Variants in ATM observed in about 807,000 individuals in gnomAD.
ATM encodes ATM serine/threonine kinase.
In ATM, 308 loss-of-function variants were observed where a neutral mutation model predicts 387.0. That is an observed-to-expected ratio of 0.80 (90% CI 0.73 to 0.87). ATM has a LOEUF of 0.87. ATM is among the 40% of genes least tolerant of loss of function. The pLI is 0.00. For missense variants in ATM, 3,312 were observed against 3,560.9 expected, an observed-to-expected ratio of 0.93 and a Z score of 1.78; for synonymous variants, 1,156 against 1,187.3, an observed-to-expected ratio of 0.97 and a Z score of 0.54.
At chr11:108,281,967 T>G (rs2082257414) in intron 24 of ATM, among the ~76,000 whole-genome samples, 1 of 152,074 alleles carries the variant, frequency 6.6e-6, no homozygotes, top group Non-Finnish European at 1.5e-5. Context: ...TACTTTATAT[T>G]TATTTATTTA....
chr11:108,343,854 CCTT>C (rs1262639031), intron 57 of ATM, among the ~76,000 whole-genome samples: 3 of 152,268 alleles, frequency 2.0e-5, no homozygotes, highest in African/African-American at 2.4e-5. Context: ...ATATAGAAAA[CCTT>C]CTGAGACATT....
chr11:108,244,700 T>G, intron 6 of ATM, 88 bp from the exon 7 acceptor site: 1 of 1,036,490 alleles, frequency 9.6e-7, no homozygotes, highest in Non-Finnish European at 1.5e-6. Flanking sequence ...TTGTTTTTTT[T>G]TCTTTCAGCA....
intron 37 of ATM, 116 bp downstream of exon 37, chr11:108,304,968 T>C (rs145131778): frequency 7.2e-5 from 91 of 1,260,692 alleles, no homozygotes; most frequent in Middle Eastern, 2.0e-4. Context: ...CCTCTAAATT[T>C]GTTTCTTCAT....
At chr11:108,337,663 A>G (rs2087000425) in intron 56 of ATM, among the ~76,000 whole-genome samples, 1 of 152,090 alleles carries the variant, frequency 6.6e-6, no homozygotes, top group African/African-American at 2.4e-5. Flanking sequence ...TTCATTTTAG[A>G]ACAAAGTTGA....
chr11:108,293,667 C>T (rs1278785203), intron 31 of ATM, among the ~76,000 whole-genome samples, 190 bp downstream of exon 31: 3 of 151,760 alleles, frequency 2.0e-5, no homozygotes, highest in African/African-American at 7.3e-5. Flanking sequence ...AGGAGGATTG[C>T]CTGAGCCCAG....
chr11:108,306,287 C>G (rs1035363725), intron 37 of ATM, among the ~76,000 whole-genome samples: 6 of 151,864 alleles, frequency 4.0e-5, no homozygotes, highest in African/African-American at 1.5e-4. Flanking sequence ...CTAGAATGTG[C>G]TTATATGAAT....
At position 108,347,346 on chromosome 11, in the gene ATM, A is replaced by C; in HGVS notation, c.8652A>C (p.Glu2884Asp). 1 of 1,606,108 alleles carries C rather than the reference A, an allele frequency of 6.2e-7. No homozygotes were observed. The highest frequency in any genetic ancestry group is 8.5e-7 in the Non-Finnish European group (1 of 1,172,968). ...TCTTGATAAATGAGCAGTCAGCAGAACTTGTACATATAGATCTAGGTAAGT... is the reference window on the plus strand; with the variant it reads ...TCTTGATAAATGAGCAGTCAGCAGACCTTGTACATATAGATCTAGGTAAGT... ...QNILINEQSA[E>D]LVHIDLGVAF... is the part of the protein sequence containing the mutation. The change falls in exon 59 of 63, where the codon GAA becomes GAC. Residue 2884 changes from glutamate to aspartate, a missense_variant. By Grantham distance (45) the Glu-to-Asp change is conservative (BLOSUM62 2). Around this residue, in one of 4 missense-constraint regions of ATM, gnomAD observed 1,405 missense variants for 1,604.4 expected, o/e 0.88. Transcript: ENST00000675843.
At chr11:108,275,766 C>G (rs1256254213) in intron 22 of ATM, among the ~76,000 whole-genome samples, 1 of 152,262 alleles carries the variant, frequency 6.6e-6, no homozygotes, top group East Asian at 1.9e-4. Context: ...TTGTGGGTAA[C>G]CCGACCTTTC....
At chr11:108,317,889 G>A (rs1347072753) in intron 43 of ATM, among the ~76,000 whole-genome samples, 1 of 151,560 alleles carries the variant, frequency 6.6e-6, no homozygotes, top group Non-Finnish European at 1.5e-5. Context: ...TATGAAAAGG[G>A]TTTTCGAAAT....
At chr11:108,288,182 T>G (rs1055737269) in intron 27 of ATM, among the ~76,000 whole-genome samples, 4 of 152,018 alleles carry the variant, frequency 2.6e-5, no homozygotes, top group Non-Finnish European at 5.9e-5. Flanking sequence ...CTATCCTTCC[T>G]TCCACCTCAG....
At chr11:108,319,002 C>T (rs1313643339) in intron 43 of ATM, among the ~76,000 whole-genome samples, 1 of 151,296 alleles carries the variant, frequency 6.6e-6, no homozygotes, top group African/African-American at 2.5e-5. Flanking sequence ...ATGGTGAAAC[C>T]CCATCTCTAC....
In ATM at chr11:108,334,154, C is replaced by T. The variant is rs227060; in HGVS notation, c.8010+186C>T. On this transcript the variant is annotated intron_variant, in intron 54 of 62. Transcript: ENST00000675843. The stretch of plus-strand genomic sequence containing the variant: ...GCCCTAAAATACTCAAAAGCTTCTC[C>T]TGCTTTCTTTTCCATTGCCTTCTGT... 0.28 allele frequency among the ~76,000 whole-genome samples: 42,645 copies of T among 151,788 alleles called. 7,172 individuals carry two copies. The highest frequency in any genetic ancestry group is 0.52 in the Middle Eastern group (152 of 292).
At chr11:108,320,688 T>C (rs1197312509) in intron 44 of ATM, among the ~76,000 whole-genome samples, 1 of 152,146 alleles carries the variant, frequency 6.6e-6, no homozygotes, top group African/African-American at 2.4e-5. Context: ...GCAATTTAGA[T>C]CTAGGTCTGT....
intron 36 of ATM, among the ~76,000 whole-genome samples, chr11:108,304,389 C>A (rs773284485): frequency 1.3e-5 from 2 of 152,038 alleles, no homozygotes; most frequent in Non-Finnish European, 2.9e-5. Context: ...CATTTGTAAG[C>A]AATATTCTGT....
intron 61 of ATM, chr11:108,355,947 G>A (rs1181462780): frequency 1.3e-5 from 2 of 152,192 alleles, no homozygotes; most frequent in African/African-American, 2.4e-5. Flanking sequence ...TGGTAATACA[G>A]ATTTTGCTAC....
At chr11:108,258,317 T>C (rs1374682135) in intron 15 of ATM, among the ~76,000 whole-genome samples, 2 of 152,234 alleles carry the variant, frequency 1.3e-5, no homozygotes, top group African/African-American at 4.8e-5. Flanking sequence ...ATTTCAGGAA[T>C]TTTTCTGAGA....
At chr11:108,326,414 A>C (rs2085691443) in intron 47 of ATM, among the ~76,000 whole-genome samples, 189 bp downstream of exon 47, 1 of 152,226 alleles carries the variant, frequency 6.6e-6, no homozygotes, top group Admixed American at 6.5e-5. Context: ...TATATATCAC[A>C]ATTCTATCAG....
chr11:108,235,680 G>C lies in ATM; in HGVS notation c.342G>C (p.Arg114Ser), dbSNP rs1555059036. ...FIKCANRRAP[R>S]LKCQELLNYI... Reference sequence around the variant, plus strand: ...TTTATTTTGAAATAGGAGCACCTAGGCTAAAATGTCAAGAACTCTTAAATT... The same window carrying C: ...TTTATTTTGAAATAGGAGCACCTAGCCTAAAATGTCAAGAACTCTTAAATT... The change falls in exon 5 of 63, where the codon AGG becomes AGC. Residue 114 changes from arginine to serine, a missense_variant. By Grantham distance (110) the Arg-to-Ser change is moderately radical. This residue lies in a region of ATM where 1,791 missense variants were observed against 1,804.5 expected (regional missense o/e 0.99). Transcript: ENST00000675843. 6.2e-7 allele frequency: 1 copy of C among 1,609,426 alleles called. No individual in the cohort carries two copies.
intron 45 of ATM, among the ~76,000 whole-genome samples, chr11:108,324,796 C>T (rs4988101): frequency 0.031 from 4,724 of 152,212 alleles, 235 homozygotes; most frequent in African/African-American, 0.1. Flanking sequence ...CTTTTCTGTT[C>T]CTTTAATAAT....
Sources: gnomAD v4.1 joint callset for allele counts (sites outside exome capture counted in the v4.1 genomes callset) on GRCh38, gnomAD v4.1.1 for gene constraint, gnomAD v4.1.1 regional missense constraint, MANE v1.5 for transcripts, NCBI Gene and HGNC (gene_info 2026-07-23, HGNC 2026-07-21) for gene names.